LARS2: variants seen among roughly 807,000 people sequenced by gnomAD.
LARS2 encodes the protein leucyl-tRNA synthetase 2, mitochondrial, also known as leucine--tRNA ligase, mitochondrial.
Under a neutral mutation model 116.6 loss-of-function variants are expected in LARS2, and 81 were observed. The observed-to-expected ratio is 0.69, with a 90% CI of 0.58 to 0.84. The LOEUF (loss-of-function observed/expected upper bound fraction) is 0.84. Among genes scored for constraint, LARS2 ranks in the 40% least tolerant of loss-of-function variants. The pLI, the probability that LARS2 is intolerant of heterozygous loss-of-function variation, is 0.00. For synonymous variants in LARS2, 396 were observed against 407.2 expected, an observed-to-expected ratio of 0.97 and a Z score of 0.33; for missense variants, 968 against 1,114.5, an observed-to-expected ratio of 0.87 and a Z score of 1.87.
chr3:45,541,904 C>T lies in LARS2; in HGVS notation c.2480C>T (p.Ala827Val). 1 of 1,614,256 alleles carries T rather than the reference C, an allele frequency of 6.2e-7. No individual in the cohort carries two copies. Among genetic ancestry groups the T allele is most frequent in the Non-Finnish European group, 8.5e-7 (1 of 1,180,036 alleles). ...DASVLLQAWP[A>V]VDPEFLQQPE... is the part of the protein sequence containing the mutation. ...AGTGTGCTGCTCCAGGCATGGCCTG[C>T]TGTGGACCCGGAGTTCCTGCAGCAG... The change falls in exon 21 of 22, where the codon GCT becomes GTT. Residue 827 changes from alanine to valine, a missense_variant. Ala to Val is a moderately conservative substitution (Grantham distance 64). Coordinates refer to ENST00000645846, the MANE Select transcript of LARS2 (RefSeq NM_015340.4).
intron 11 of LARS2, among the ~76,000 whole-genome samples, chr3:45,488,096 C>G (rs1005173545): frequency 3.3e-5 from 5 of 150,272 alleles, no homozygotes; most frequent in African/African-American, 1.2e-4. Flanking sequence ...TTTTTAGTGG[C>G]AAAAAAAAGC....
rs373953805 is a variant in LARS2, at chr3:45,475,019, C to A, written c.858+669C>A. Among the ~76,000 whole-genome samples, 357 of 152,334 alleles carry A rather than the reference C, an allele frequency of 2.3e-3. 12 individuals carry two copies. The South Asian group carries it at 0.067, about 29-fold the overall frequency. ...GAAGGGGTCCCTAAAACTTCTTTGTCTCTACTGACTAGAGAGTTGTTCTAT... is the reference window on the plus strand; with the variant it reads ...GAAGGGGTCCCTAAAACTTCTTTGTATCTACTGACTAGAGAGTTGTTCTAT... On this transcript the variant is annotated intron_variant, in intron 9 of 21. Coordinates refer to ENST00000645846, the MANE Select transcript of LARS2 (RefSeq NM_015340.4).
intron 8 of LARS2, 53 bp downstream of exon 8, chr3:45,458,939 C>CTT: frequency 1.3e-6 from 2 of 1,577,884 alleles, no homozygotes; most frequent in East Asian, 4.5e-5. Flanking sequence ...TGGCAGGCAA[C>CTT]ACCAAAGGCT....
intron 4 of LARS2, among the ~76,000 whole-genome samples, chr3:45,408,772 A>C (rs1698277068): frequency 6.6e-6 from 1 of 152,196 alleles, no homozygotes; most frequent in Non-Finnish European, 1.5e-5. Flanking sequence ...CTGCCCTTCC[A>C]AACTGCTAGG....
chr3:45,493,069 C>T lies in LARS2; in HGVS notation c.1523+1269C>T, dbSNP rs115329616. On this transcript the variant is annotated intron_variant, in intron 13 of 21. Transcript: ENST00000645846. The stretch of plus-strand genomic sequence containing the variant: ...CTGCAGAATTACTGGAGGGCAGAAC[C>T]TAGGCCTTGGTGTTGGGCAAGGCTC... Among the ~76,000 whole-genome samples the T allele has an allele frequency of 8.5e-3, 1,297 of 151,912 alleles. 16 individuals are homozygous for T. The highest frequency in any genetic ancestry group is 0.022 in the African/African-American group (912 of 41,442).
At chr3:45,525,751 C>T (rs192187790) in intron 20 of LARS2, among the ~76,000 whole-genome samples, 1 of 152,324 alleles carries the variant, frequency 6.6e-6, no homozygotes, top group East Asian at 1.9e-4. Context: ...CCCCCTCCAA[C>T]AGGTGGCTTA....
chr3:45,400,381 C>A lies in LARS2; in HGVS notation c.363+8C>A, dbSNP rs201821626. On this transcript the variant is annotated splice_region_variant and intron_variant, in intron 4 of 21. Transcript: ENST00000645846. ...AAGATGAGAGGGATGCAGGTAAGAACAGGTGCCTGCTGGAGCAGCCCTTGT... is the reference window on the plus strand; with the variant it reads ...AAGATGAGAGGGATGCAGGTAAGAAAAGGTGCCTGCTGGAGCAGCCCTTGT... 3 of 1,595,642 alleles carry A rather than the reference C, an allele frequency of 1.9e-6. No individual in the cohort carries two copies. Among genetic ancestry groups the A allele is most frequent in the East Asian group, 2.2e-5 (1 of 44,480 alleles).
At chr3:45,513,083 A>G (rs1700312724) in intron 15 of LARS2, 52 bp from the exon 16 acceptor site, 4 of 1,239,550 alleles carry the variant, frequency 3.2e-6, no homozygotes, top group Admixed American at 1.7e-5. Context: ...CTGTTTTCTC[A>G]ATGCCTCATG....
Position 45,547,625 on chromosome 3 carries a change from A to G in LARS2, c.*95A>G, listed in dbSNP as rs1575326013. 1.7e-6 allele frequency: 2 copies of G among 1,176,584 alleles called. No homozygotes were observed. The highest frequency in any genetic ancestry group is 1.2e-6 in the Non-Finnish European group (1 of 826,702). The allele number at this position is 1,176,584 out of a possible 1,614,324, so 72.9% of individuals were successfully genotyped here. ...ATGTCTGCTGGCCCAGGGGAAGGGA[A>G]AAGACAAATGTCTTGACTGTTGACC... On this transcript the variant is annotated 3_prime_UTR_variant, in exon 22 of 22. Transcript: ENST00000645846.
intron 20 of LARS2, among the ~76,000 whole-genome samples, chr3:45,540,213 C>T (rs1460732962): frequency 1.3e-5 from 2 of 151,942 alleles, no homozygotes; most frequent in Admixed American, 6.6e-5. Flanking sequence ...GAGCCAAGAT[C>T]GCGCCACTGC....
At position 45,417,590 on chromosome 3, in the gene LARS2, A is replaced by T; in HGVS notation, c.455+17A>T. ...GACACAAAGGTAAGTGTTTACAGGC[A>T]TATTCAAATACTTGCATACAAAAAC... is the stretch of plus-strand genomic sequence containing the variant. On this transcript the variant is annotated intron_variant, in intron 5 of 21. Transcript: ENST00000645846. 1 of 1,580,310 alleles carries T rather than the reference A, an allele frequency of 6.3e-7. No individual in the cohort carries two copies.
intron 4 of LARS2, among the ~76,000 whole-genome samples, chr3:45,414,745 G>A (rs909808599): frequency 1.3e-4 from 20 of 151,470 alleles, no homozygotes; most frequent in African/African-American, 3.9e-4. Flanking sequence ...AAAAAAAAAG[G>A]CAGCAAAATA....
chr3:45,466,722 A>G (rs935594187), intron 8 of LARS2, among the ~76,000 whole-genome samples: 7 of 151,726 alleles, frequency 4.6e-5, no homozygotes, highest in Admixed American at 6.6e-5. Flanking sequence ...CTTCTTTTTT[A>G]TTATTATTAT....
intron 13 of LARS2, among the ~76,000 whole-genome samples, chr3:45,492,946 T>C (rs1244422096): frequency 6.6e-6 from 1 of 152,148 alleles, no homozygotes; most frequent in African/African-American, 2.4e-5. Flanking sequence ...TCTTTGTTGA[T>C]AAGCGCTGAC....
intron 15 of LARS2, among the ~76,000 whole-genome samples, chr3:45,503,877 C>G (rs910549119): frequency 6.6e-6 from 1 of 152,046 alleles, no homozygotes; most frequent in African/African-American, 2.4e-5. Flanking sequence ...TGTCTCCCTC[C>G]CTGCACGCCA....
chr3:45,542,081 C>T, intron 21 of LARS2, 125 bp downstream of exon 21: 1 of 1,249,108 alleles, frequency 8.0e-7, no homozygotes, highest in Non-Finnish European at 1.1e-6. Flanking sequence ...AGCCCTCAGC[C>T]ACACCTTGTG....
chr3:45,418,796 T>TA (rs1242260942), intron 5 of LARS2, among the ~76,000 whole-genome samples: 1 of 152,222 alleles, frequency 6.6e-6, no homozygotes, highest in East Asian at 1.9e-4. Flanking sequence ...CCAGGCTACC[T>TA]AGGTGCAAAT....
intron 6 of LARS2, among the ~76,000 whole-genome samples, chr3:45,431,867 A>C (rs577754655): frequency 6.6e-6 from 1 of 152,224 alleles, no homozygotes; most frequent in Non-Finnish European, 1.5e-5. Flanking sequence ...CAAAAGACAG[A>C]TATTGGAAAA....
At chr3:45,409,233 A>G (rs1232718344) in intron 4 of LARS2, among the ~76,000 whole-genome samples, 2 of 151,956 alleles carry the variant, frequency 1.3e-5, no homozygotes, top group Admixed American at 6.6e-5. Context: ...TTGCCTAGTT[A>G]GCACATGTGA....
Sources: allele counts gnomAD v4.1 joint callset (sites outside exome capture counted in the v4.1 genomes callset), GRCh38; gene constraint gnomAD v4.1.1; transcripts MANE v1.5; gene names NCBI Gene and HGNC (gene_info 2026-07-23, HGNC 2026-07-21).